BLTP3B: variants seen among roughly 807,000 people sequenced by gnomAD.
The protein encoded by BLTP3B is bridge-like lipid transfer protein family member 3B.
At chr12:100,120,426 C>A in the BLTP3B span, among the ~76,000 whole-genome samples, 1 of 151,806 alleles carries the variant, frequency 6.6e-6, no homozygotes, top group African/African-American at 2.4e-5. Flanking sequence ...TTTAAAGGGA[C>A]CTTGGAACCA....
At chr12:100,098,686 G>A in the BLTP3B span, 15 of 741,610 alleles carry the variant, frequency 2.0e-5, no homozygotes, top group Admixed American at 2.1e-4. Flanking sequence ...CAGATCACTT[G>A]AGGCCAGGAG....
At chr12:100,117,306 G>A in the BLTP3B span, among the ~76,000 whole-genome samples, 3 of 151,960 alleles carry the variant, frequency 2.0e-5, no homozygotes, top group African/African-American at 7.3e-5. Context: ...CGTCAACATC[G>A]GCAATAAGAC....
the BLTP3B span, among the ~76,000 whole-genome samples, chr12:100,052,484 A>G: frequency 2.6e-5 from 4 of 152,206 alleles, no homozygotes; most frequent in Admixed American, 2.6e-4. Flanking sequence ...ACTCTAATTA[A>G]AATTAAAAAT....
At chr12:100,118,652 G>A in the BLTP3B span, among the ~76,000 whole-genome samples, 9 of 152,130 alleles carry the variant, frequency 5.9e-5, no homozygotes, top group Non-Finnish European at 1.2e-4. Context: ...TAGTAAGAGA[G>A]ACTAAATGTT....
At chr12:100,129,535 C>T in the BLTP3B span, among the ~76,000 whole-genome samples, 3 of 152,240 alleles carry the variant, frequency 2.0e-5, no homozygotes, top group East Asian at 3.9e-4. Context: ...ATTGCCAGGG[C>T]GATTCTGCCC....
At chr12:100,098,689 G>A in the BLTP3B span, 1 of 731,514 alleles carries the variant, frequency 1.4e-6, no homozygotes, top group Non-Finnish European at 2.1e-6. Context: ...ATCACTTGAG[G>A]CCAGGAGTTC....
chr12:100,070,873 G>C, the BLTP3B span, among the ~76,000 whole-genome samples: 351 of 152,096 alleles, frequency 2.3e-3, 8 homozygotes, highest in East Asian at 0.04. Context: ...AGATGTGGTG[G>C]TGCATGCCTG....
chr12:100,084,514 T>C, the BLTP3B span: 1 of 1,613,584 alleles, frequency 6.2e-7, no homozygotes, highest in African/African-American at 1.3e-5. Flanking sequence ...TGTTGGGGAT[T>C]TAGGAGGTGA....
the BLTP3B span, among the ~76,000 whole-genome samples, chr12:100,064,129 A>T: frequency 6.6e-6 from 1 of 152,240 alleles, no homozygotes; most frequent in Non-Finnish European, 1.5e-5. Context: ...CACTCATAGA[A>T]ATGCGAAATG....
chr12:100,085,306 T>C, the BLTP3B span, among the ~76,000 whole-genome samples: 1 of 151,538 alleles, frequency 6.6e-6, no homozygotes, highest in Non-Finnish European at 1.5e-5. Flanking sequence ...GAGGCTGTAG[T>C]GAGCAGTGAT....
At chr12:100,047,095 A>G in the BLTP3B span, among the ~76,000 whole-genome samples, 2 of 152,200 alleles carry the variant, frequency 1.3e-5, no homozygotes, top group Non-Finnish European at 1.5e-5. Flanking sequence ...GTGTCCCTCA[A>G]TCTTCCACTA....
chr12:100,115,214 T>C, the BLTP3B span, among the ~76,000 whole-genome samples: 1 of 152,084 alleles, frequency 6.6e-6, no homozygotes, highest in African/African-American at 2.4e-5. Context: ...GAGACCAGCC[T>C]GTCCAACACG....
At chr12:100,076,322 A>G in the BLTP3B span, among the ~76,000 whole-genome samples, 1 of 151,242 alleles carries the variant, frequency 6.6e-6, no homozygotes, top group Non-Finnish European at 1.5e-5. Context: ...TATATGTCTC[A>G]TATGAAGTAG....
the BLTP3B span, among the ~76,000 whole-genome samples, chr12:100,070,710 T>C: frequency 6.6e-6 from 1 of 152,082 alleles, no homozygotes; most frequent in Non-Finnish European, 1.5e-5. Flanking sequence ...CATATATTAA[T>C]AGGGTGGGTG....
the BLTP3B span, among the ~76,000 whole-genome samples, chr12:100,078,529 C>T: frequency 6.6e-6 from 1 of 152,196 alleles, no homozygotes; most frequent in Non-Finnish European, 1.5e-5. Context: ...GCTGGCCACA[C>T]TTGATAGCCT....
At chr12:100,124,246 C>T in the BLTP3B span, among the ~76,000 whole-genome samples, 1 of 151,982 alleles carries the variant, frequency 6.6e-6, no homozygotes, top group South Asian at 2.1e-4. Context: ...ACACCATGCA[C>T]TCCAGTCTGG....
At chr12:100,052,100 T>C in the BLTP3B span, among the ~76,000 whole-genome samples, 4 of 151,780 alleles carry the variant, frequency 2.6e-5, no homozygotes, top group African/African-American at 9.7e-5. Flanking sequence ...AGTCTCACTC[T>C]GTTGCCCAGG....
At chr12:100,081,451 C>T in the BLTP3B span, among the ~76,000 whole-genome samples, 1 of 152,056 alleles carries the variant, frequency 6.6e-6, no homozygotes, top group African/African-American at 2.4e-5. Context: ...GGTACATGTG[C>T]AGGTTTGTTA....
the BLTP3B span, among the ~76,000 whole-genome samples, chr12:100,089,412 T>C: frequency 6.6e-6 from 1 of 151,942 alleles, no homozygotes; most frequent in Non-Finnish European, 1.5e-5. Flanking sequence ...TATAAAAAAT[T>C]AGCTGGGCGT....
Sources: gnomAD v4.1 joint callset for allele counts (sites outside exome capture counted in the v4.1 genomes callset) on GRCh38, gnomAD v4.1.1 for gene constraint, MANE v1.5 for transcripts, NCBI Gene and HGNC (gene_info 2026-07-23, HGNC 2026-07-21) for gene names.